Variants in DAAM1 observed in about 807,000 individuals in gnomAD.
DAAM1 encodes disheveled-associated activator of morphogenesis 1.
DAAM1 carries 52 observed loss-of-function variants against 130.0 expected under a neutral mutation model. The observed-to-expected ratio is 0.40, with a 90% confidence interval of 0.32 to 0.50. The LOEUF is 0.50. DAAM1 is among the 20% of genes least tolerant of loss of function. The probability of loss-of-function intolerance (pLI) is 0.61; values close to 1 mark genes in which losing one functional copy is unlikely to be tolerated. For synonymous variants in DAAM1, 452 were observed against 444.5 expected, an observed-to-expected ratio of 1.02 and a Z score of -0.21; for missense variants, 1,134 against 1,303.8, an observed-to-expected ratio of 0.87 and a Z score of 2.01.
At position 59,346,137 on chromosome 14, in the gene DAAM1, TTGG is replaced by T. The variant is rs776775561; in HGVS notation, c.2076-1401_2076-1399del. On this transcript the variant is annotated intron_variant, in intron 16 of 24. Transcript: ENST00000360909. ...CACATACAAACACAATCCCTTTTTT[TTGG>T]GGGGGGGGGGGTGCCTGGAGGGATG... is the stretch of plus-strand genomic sequence containing the variant. 1.2e-3 allele frequency among the ~76,000 whole-genome samples: 72 copies of T among 57,716 alleles called. 2 individuals carry two copies. Among genetic ancestry groups the T allele is most frequent in the South Asian group, 3.4e-3 (3 of 884 alleles). 37.9% of individuals were successfully genotyped at this position (57,716 alleles called of 152,430 possible).
rs55791691 is a variant in DAAM1 at position 59,192,149 on chromosome 14, G to GGTGTGTGT, written c.-38+3419_-38+3426dup. The stretch of plus-strand genomic sequence containing the variant: ...TGTGGACATGTTCTGCTTGTTAAGG[G>GGTGTGTGT]GTGTGTGTGTGTGTGTGTGTGTGTG... On this transcript the variant is annotated intron_variant, in intron 1 of 24. Coordinates refer to ENST00000360909, the MANE Select transcript of DAAM1 (RefSeq NM_001270520.2). 4.9e-3 allele frequency among the ~76,000 whole-genome samples: 678 copies of GGTGTGTGT among 138,634 alleles called. 5 individuals carry two copies. The highest frequency in any genetic ancestry group is 9.2e-3 in the East Asian group (42 of 4,586). The allele number at this position is 138,634 out of a possible 152,430, so 90.9% of individuals were successfully genotyped here.
chr14:59,214,390 T>C (rs1265821963), intron 1 of DAAM1, among the ~76,000 whole-genome samples: 1 of 152,236 alleles, frequency 6.6e-6, no homozygotes, highest in Non-Finnish European at 1.5e-5. Flanking sequence ...TCTTCCTTGC[T>C]CTCCTCAGGA....
Position 59,331,850 on chromosome 14 carries a change from A to T in DAAM1, c.1898A>T (p.Asp633Val). 3 of 1,614,154 alleles carry T rather than the reference A, an allele frequency of 1.9e-6. No individual in the cohort carries two copies. Among genetic ancestry groups the T allele is most frequent in the Non-Finnish European group, 2.5e-6 (3 of 1,179,994 alleles). ...GGAACAGTATGGACCGAAATTGATG[A>T]TACAAAAGTCTTCAAAATTCTAGAT... ...LEGTVWTEID[D>V]TKVFKILDLE... Residue 633 changes from aspartate to valine, a missense_variant, in exon 15 of 25, where the codon GAT becomes GTT. Physicochemically the swap from Asp to Val is radical, Grantham distance 152. Transcript: ENST00000360909.
At chr14:59,346,477 T>A (rs568065841) in intron 16 of DAAM1, among the ~76,000 whole-genome samples, 3 of 152,272 alleles carry the variant, frequency 2.0e-5, no homozygotes, top group South Asian at 4.1e-4. Flanking sequence ...ATTTTTAAAA[T>A]AAGTCTAGAC....
At chr14:59,367,133 C>G (rs1886948957) in intron 23 of DAAM1, among the ~76,000 whole-genome samples, 2 of 151,758 alleles carry the variant, frequency 1.3e-5, no homozygotes. Context: ...ACTAAAAATA[C>G]AAAAATTAGC....
At chr14:59,255,385 G>A (rs1328480398) in intron 1 of DAAM1, among the ~76,000 whole-genome samples, 3 of 152,158 alleles carry the variant, frequency 2.0e-5, no homozygotes, top group Non-Finnish European at 2.9e-5. Context: ...ACTATATCCC[G>A]TGATTTTTTT....
intron 1 of DAAM1, among the ~76,000 whole-genome samples, chr14:59,193,800 G>A (rs547857908): frequency 6.6e-6 from 1 of 152,152 alleles, no homozygotes; most frequent in Admixed American, 6.5e-5. Flanking sequence ...ATTATCTTGT[G>A]CTTTCATATC....
chr14:59,327,398 G>GTTTTTTT (rs1338982717), intron 12 of DAAM1, among the ~76,000 whole-genome samples: 12 of 72,770 alleles, frequency 1.6e-4, no homozygotes, highest in African/African-American at 6.6e-4. Flanking sequence ...AGGTCACTTG[G>GTTTTTTT]TTTCTTTTTT....
intron 1 of DAAM1, among the ~76,000 whole-genome samples, chr14:59,214,265 T>C (rs754975261): frequency 1.3e-5 from 2 of 152,182 alleles, no homozygotes; most frequent in East Asian, 3.8e-4. Context: ...TATACGTTGG[T>C]TTAAGTTCAT....
chr14:59,339,744 C>A (rs1168814916), intron 15 of DAAM1, among the ~76,000 whole-genome samples: 2 of 152,224 alleles, frequency 1.3e-5, no homozygotes, highest in Non-Finnish European at 2.9e-5. Context: ...CTTCTGTCTG[C>A]AATCCATAGG....
chr14:59,338,253 CA>C, intron 15 of DAAM1: 1 of 861,776 alleles, frequency 1.2e-6, no homozygotes, highest in Admixed American at 2.0e-5. Flanking sequence ...TTGATGATCC[CA>C]GGGGCATAAA....
intron 1 of DAAM1, among the ~76,000 whole-genome samples, chr14:59,261,979 C>A (rs1291866539): frequency 6.6e-6 from 1 of 151,978 alleles, no homozygotes; most frequent in Non-Finnish European, 1.5e-5. Context: ...CCTTGTTCTA[C>A]CACCTTCCCT....
In DAAM1 at chr14:59,289,414, A is replaced by T. The variant is rs117325712; in HGVS notation, c.184-1803A>T. On this transcript the variant is annotated intron_variant, in intron 2 of 24. Coordinates refer to ENST00000360909, the MANE Select transcript of DAAM1 (RefSeq NM_001270520.2). ...CAATTACTAATTATTAGAGAAATGC[A>T]TATCAAAACCACAATGAGATATCAT... Among the ~76,000 whole-genome samples the T allele has an allele frequency of 3.9e-5, 6 of 152,288 alleles. No homozygotes were observed. The East Asian group carries it at 1.2e-3, about 29-fold the overall frequency.
chr14:59,259,511 G>A (rs184051151), intron 1 of DAAM1, among the ~76,000 whole-genome samples: 4 of 152,194 alleles, frequency 2.6e-5, no homozygotes, highest in Admixed American at 2.0e-4. Context: ...TCTTCCTGGG[G>A]AACACTTCCC....
At chr14:59,240,466 G>C (rs1328250446) in intron 1 of DAAM1, among the ~76,000 whole-genome samples, 1 of 152,028 alleles carries the variant, frequency 6.6e-6, no homozygotes, top group Non-Finnish European at 1.5e-5. Flanking sequence ...GGGGAAAAAA[G>C]TTCATTGAAT....
intron 2 of DAAM1, among the ~76,000 whole-genome samples, chr14:59,290,713 G>A (rs1006412183): frequency 1.3e-5 from 2 of 152,174 alleles, no homozygotes. Flanking sequence ...AGTGCTTCCT[G>A]TAAGCTGACC....
intron 1 of DAAM1, among the ~76,000 whole-genome samples, chr14:59,224,722 G>A (rs959987987): frequency 3.9e-5 from 6 of 152,232 alleles, no homozygotes; most frequent in African/African-American, 1.2e-4. Flanking sequence ...GAGGGGCAGG[G>A]GCAGAATGCC....
chr14:59,224,578 A>G (rs531282384), intron 1 of DAAM1, among the ~76,000 whole-genome samples: 3 of 152,360 alleles, frequency 2.0e-5, no homozygotes, highest in Non-Finnish European at 2.9e-5. Flanking sequence ...AGTCTTCCCT[A>G]TATCTGATTT....
At chr14:59,331,953 G>A (rs988049486) in intron 15 of DAAM1, 33 bp downstream of exon 15, 2 of 1,576,508 alleles carry the variant, frequency 1.3e-6, no homozygotes, top group African/African-American at 1.4e-5. Context: ...CACCAAAAAG[G>A]TAGAAAAATC....
Sources: allele counts gnomAD v4.1 joint callset (sites outside exome capture counted in the v4.1 genomes callset), GRCh38; gene constraint gnomAD v4.1.1; transcripts MANE v1.5; gene names NCBI Gene and HGNC (gene_info 2026-07-23, HGNC 2026-07-21).